Variants in PHLDB2 observed in about 807,000 individuals in gnomAD.
PHLDB2 encodes the protein pleckstrin homology like domain family B member 2.
PHLDB2 carries 71 observed loss-of-function variants against 123.6 expected under a neutral mutation model. That is an observed-to-expected ratio of 0.57 (90% CI 0.47 to 0.70). The LOEUF is 0.70. PHLDB2 is among the 30% of genes least tolerant of loss of function. PHLDB2 has a pLI of 0.00. For synonymous variants in PHLDB2, 547 were observed against 541.6 expected, an observed-to-expected ratio of 1.01 and a Z score of -0.14; for missense variants, 1,446 against 1,519.5, an observed-to-expected ratio of 0.95 and a Z score of 0.80.
chr3:111,831,484 T>C (rs1358961545), intron 1 of PHLDB2, among the ~76,000 whole-genome samples: 1 of 152,126 alleles, frequency 6.6e-6, no homozygotes, highest in Non-Finnish European at 1.5e-5. Context: ...AGTCATCAAT[T>C]TAAACCCATC....
chr3:111,873,093 A>G (rs1466337692), intron 1 of PHLDB2, among the ~76,000 whole-genome samples: 1 of 152,224 alleles, frequency 6.6e-6, no homozygotes, highest in Non-Finnish European at 1.5e-5. Flanking sequence ...ACAGATATGC[A>G]TGGCCAAGAA....
In PHLDB2 at chr3:111,806,280, T is replaced by C. The variant is rs1457674847; in HGVS notation, c.-48-39541T>C. 1.3e-5 allele frequency among the ~76,000 whole-genome samples: 2 copies of C among 152,106 alleles called. 1 individual carries two copies. Among genetic ancestry groups the C allele is most frequent in the East Asian group, 3.9e-4 (2 of 5,162 alleles). On this transcript the variant is annotated intron_variant, in intron 1 of 17. Coordinates refer to the PHLDB2 transcript ENST00000393923. ...CAGCACCACAGTCCAGTTTAAAACA[T>C]ACCCATCACACCAGAAAGTTCCCTC...
chr3:111,936,385 A>G (rs1227248295), intron 6 of PHLDB2, among the ~76,000 whole-genome samples: 4 of 152,208 alleles, frequency 2.6e-5, no homozygotes, highest in African/African-American at 4.8e-5. Context: ...TCTGTGCTCA[A>G]TTAAACTATT....
intron 12 of PHLDB2, chr3:111,957,896 A>G (rs966672194): frequency 6.6e-6 from 1 of 152,138 alleles, no homozygotes; most frequent in East Asian, 1.9e-4. Flanking sequence ...ACTATTTGCT[A>G]TTGTCTGTTT....
intron 1 of PHLDB2, among the ~76,000 whole-genome samples, chr3:111,777,675 C>A (rs1156411597): frequency 6.7e-6 from 1 of 150,060 alleles, no homozygotes; most frequent in Non-Finnish European, 1.5e-5. Flanking sequence ...CTTGTGGTAA[C>A]CCCATATGCA....
intron 8 of PHLDB2, among the ~76,000 whole-genome samples, chr3:111,944,193 G>A (rs542381992): frequency 3.3e-5 from 5 of 152,174 alleles, no homozygotes; most frequent in Non-Finnish European, 5.9e-5. Context: ...GGCAAAACTA[G>A]TGTTAAGGCC....
chr3:111,752,721 A>G (rs1033499771), intron 1 of PHLDB2, among the ~76,000 whole-genome samples: 2 of 151,966 alleles, frequency 1.3e-5, no homozygotes, highest in Non-Finnish European at 2.9e-5. Context: ...ATATGTATAC[A>G]TGCGCCATGC....
At chr3:111,936,045 G>A (rs1263833888) in intron 6 of PHLDB2, among the ~76,000 whole-genome samples, 1 of 152,176 alleles carries the variant, frequency 6.6e-6, no homozygotes, top group African/African-American at 2.4e-5. Flanking sequence ...ATTTAAATTT[G>A]CTTCTGGAGT....
At chr3:111,834,182 T>TATAATAGA (rs1256802242) in intron 1 of PHLDB2, among the ~76,000 whole-genome samples, 15 of 83,790 alleles carry the variant, frequency 1.8e-4, no homozygotes, top group African/African-American at 6.3e-4. Flanking sequence ...GAATTATATA[T>TATAATAGA]ATTATATATG....
At chr3:111,883,000 A>G (rs1000468185) in intron 1 of PHLDB2, among the ~76,000 whole-genome samples, 2 of 152,246 alleles carry the variant, frequency 1.3e-5, no homozygotes, top group Non-Finnish European at 2.9e-5. Flanking sequence ...TACTGTTTAT[A>G]TATAGACCAG....
chr3:111,745,799 GAGAA>G (rs67374169), intron 1 of PHLDB2, among the ~76,000 whole-genome samples: 63,249 of 151,162 alleles, frequency 0.42, 14,086 homozygotes, highest in Middle Eastern at 0.55. Context: ...GAAAAGAAAA[GAGAA>G]AGAAAGAAGA....
chr3:111,742,942 A>C (rs971203134), intron 1 of PHLDB2, among the ~76,000 whole-genome samples: 1 of 152,206 alleles, frequency 6.6e-6, no homozygotes, highest in Non-Finnish European at 1.5e-5. Flanking sequence ...GATCAACATG[A>C]TCAACATCTT....
At chr3:111,848,349 G>C (rs939754817) in intron 2 of PHLDB2, among the ~76,000 whole-genome samples, 2 of 152,188 alleles carry the variant, frequency 1.3e-5, no homozygotes, top group African/African-American at 4.8e-5. Flanking sequence ...GCCTGTGTAA[G>C]GAGTTTTCCA....
chr3:111,750,974 G>A (rs2059761867), intron 1 of PHLDB2, among the ~76,000 whole-genome samples: 1 of 150,570 alleles, frequency 6.6e-6, no homozygotes, highest in Non-Finnish European at 1.5e-5. Flanking sequence ...AAATTCGCCA[G>A]TTCTTTTCTC....
At position 111,962,449 on chromosome 3, in the gene PHLDB2, G is replaced by A. The variant is rs550101208; in HGVS notation, c.3077+137G>A. 1.0e-5 allele frequency: 7 copies of A among 680,298 alleles called. No individual in the cohort carries two copies. In the African/African-American group the frequency reaches 1.3e-4, roughly 13 times the overall value. 42.1% of individuals were successfully genotyped at this position (680,298 alleles called of 1,614,324 possible). A position where few individuals can be genotyped will look rare whatever the true frequency, so the allele number is the denominator to read the frequency against. The stretch of plus-strand genomic sequence containing the variant: ...ATAAAGGGTCTGTAATGCAGAAGAG[G>A]GTTGGTATCATGATGGCCTTTGAAA... On this transcript the variant is annotated intron_variant, in intron 13 of 17. Transcript: ENST00000431670.
intron 1 of PHLDB2, among the ~76,000 whole-genome samples, chr3:111,792,474 G>A (rs976197742): frequency 1.7e-4 from 26 of 152,140 alleles, no homozygotes. Context: ...GGGAGGCCAA[G>A]GTGGAAGAAT....
At chr3:111,880,056 A>C (rs1158441288) in intron 1 of PHLDB2, among the ~76,000 whole-genome samples, 1 of 144,208 alleles carries the variant, frequency 6.9e-6, no homozygotes, top group East Asian at 2.2e-4. Flanking sequence ...CTGTGTTGTA[A>C]ATTTTTTGAA....
intron 9 of PHLDB2, among the ~76,000 whole-genome samples, chr3:111,947,378 A>G (rs527901741): frequency 5.3e-4 from 81 of 152,292 alleles, no homozygotes; most frequent in African/African-American, 1.9e-3. Flanking sequence ...ACACATGGCA[A>G]TTCTTGTGCT....
At chr3:111,921,477 C>T (rs2068496511) in intron 5 of PHLDB2, among the ~76,000 whole-genome samples, 1 of 151,878 alleles carries the variant, frequency 6.6e-6, no homozygotes, top group Admixed American at 6.6e-5. Context: ...AGAATGAGCT[C>T]AAAATGGTAG....
Sources: allele counts gnomAD v4.1 joint callset (sites outside exome capture counted in the v4.1 genomes callset), GRCh38; gene constraint gnomAD v4.1.1; transcripts MANE v1.5; gene names NCBI Gene and HGNC (gene_info 2026-07-23, HGNC 2026-07-21).